The following TMCO5A variants were observed in gnomAD, a reference collection of about 807,000 sequenced individuals.
TMCO5A encodes the protein transmembrane and coiled-coil domain-containing protein 5A.
In TMCO5A, 34 loss-of-function variants were observed where a neutral mutation model predicts 42.3. That is an observed-to-expected ratio of 0.80 (90% CI 0.61 to 1.07). TMCO5A has a LOEUF of 1.07. Among genes scored for constraint, TMCO5A ranks in the 50% least tolerant of loss-of-function variants. The pLI is 0.00. For synonymous variants in TMCO5A, 131 were observed against 115.6 expected, an observed-to-expected ratio of 1.13 and a Z score of -0.86; for missense variants, 357 against 327.9, an observed-to-expected ratio of 1.09 and a Z score of -0.69.
chr15:38,040,777 A>G, the TMCO5A span: 1 of 152,192 alleles, frequency 6.6e-6, no homozygotes, highest in Non-Finnish European at 1.5e-5. Context: ...TAGAACAGGG[A>G]TTGCCAAGGG....
chr15:37,971,126 C>T (rs149782906), downstream of TMCO5A, among the ~76,000 whole-genome samples: 2,453 of 152,304 alleles, frequency 0.016, 73 homozygotes, highest in African/African-American at 0.055. Flanking sequence ...ATGAGGACCC[C>T]GCCCCTGTAG....
the TMCO5A span, among the ~76,000 whole-genome samples, chr15:37,984,501 C>G: frequency 6.6e-6 from 1 of 152,098 alleles, no homozygotes; most frequent in Non-Finnish European, 1.5e-5. Context: ...ATCTGCCACA[C>G]ATAGTTGTAG....
downstream of TMCO5A, among the ~76,000 whole-genome samples, chr15:37,970,499 A>G (rs1427236438): frequency 6.6e-6 from 1 of 152,162 alleles, no homozygotes; most frequent in Non-Finnish European, 1.5e-5. Context: ...GGCCCGTCCC[A>G]AATCTTATTT....
chr15:37,982,304 A>T, the TMCO5A span, among the ~76,000 whole-genome samples: 2,092 of 151,812 alleles, frequency 0.014, 39 homozygotes, highest in African/African-American at 0.048. Context: ...CTGTCCTTAC[A>T]CCTATGCGCA....
the TMCO5A span, among the ~76,000 whole-genome samples, chr15:37,976,577 C>T: frequency 6.6e-6 from 1 of 152,110 alleles, no homozygotes; most frequent in African/African-American, 2.4e-5. Context: ...TTCATAATCC[C>T]ATGTATCTCA....
At chr15:38,035,218 G>C in the TMCO5A span, among the ~76,000 whole-genome samples, 1 of 152,198 alleles carries the variant, frequency 6.6e-6, no homozygotes, top group Non-Finnish European at 1.5e-5. Context: ...ACATATGCAA[G>C]TACATGGGAG....
At chr15:37,952,683 A>G (rs1196838557), downstream of TMCO5A, among the ~76,000 whole-genome samples, 1 of 152,178 alleles carries the variant, frequency 6.6e-6, no homozygotes, top group Non-Finnish European at 1.5e-5. Flanking sequence ...CTACTTGAGA[A>G]AAACAGAGGA....
At chr15:37,982,739 TATATATAAATATATA>T in the TMCO5A span, among the ~76,000 whole-genome samples, 1 of 144,038 alleles carries the variant, frequency 6.9e-6, no homozygotes, top group Admixed American at 7.1e-5. Context: ...AATATATAAA[TATATATAAATATATA>T]ATATATAAAT....
chr15:38,039,283 T>A, the TMCO5A span, among the ~76,000 whole-genome samples: 2 of 152,194 alleles, frequency 1.3e-5, no homozygotes, highest in Non-Finnish European at 2.9e-5. Flanking sequence ...GTTTTGCTAT[T>A]ATTTGGCTAA....
the TMCO5A span, chr15:37,984,900 G>A: frequency 6.6e-6 from 1 of 151,750 alleles, no homozygotes; most frequent in Non-Finnish European, 1.5e-5. Flanking sequence ...AGGAGAAATG[G>A]ACTAAACTAC....
At chr15:37,941,457 A>G (rs900214658) in intron 7 of TMCO5A, among the ~76,000 whole-genome samples, 2 of 152,074 alleles carry the variant, frequency 1.3e-5, no homozygotes, top group Non-Finnish European at 2.9e-5. Flanking sequence ...TCCTCTCCCA[A>G]CTGCCCCCAA....
intron 11 of TMCO5A, 144 bp from the exon 12 acceptor site, chr15:37,950,892 G>A (rs1334951692): frequency 3.0e-6 from 2 of 663,452 alleles, no homozygotes; most frequent in Non-Finnish European, 5.2e-6. Flanking sequence ...AGGGGGAGCT[G>A]CCATTATAAA....
the TMCO5A span, among the ~76,000 whole-genome samples, chr15:37,995,260 C>T: frequency 1.3e-5 from 2 of 152,162 alleles, no homozygotes; most frequent in South Asian, 4.1e-4. Flanking sequence ...CTGTCTTTGC[C>T]ACCCACTCCC....
chr15:38,018,213 G>T, the TMCO5A span, among the ~76,000 whole-genome samples: 1 of 152,118 alleles, frequency 6.6e-6, no homozygotes, highest in Admixed American at 6.6e-5. Flanking sequence ...GCCTTTACTG[G>T]TAAACAGTAA....
At chr15:37,981,200 C>CAAAAAAAAAAAA in the TMCO5A span, among the ~76,000 whole-genome samples, 10 of 65,322 alleles carry the variant, frequency 1.5e-4, no homozygotes, top group African/African-American at 5.6e-4. Flanking sequence ...AGAAAGCCAG[C>CAAAAAAAAAAAA]AAAAAAAAAA....
chr15:38,032,239 G>C, the TMCO5A span, among the ~76,000 whole-genome samples: 1 of 152,290 alleles, frequency 6.6e-6, no homozygotes, highest in African/African-American at 2.4e-5. Flanking sequence ...ACAGGCATGA[G>C]CCACCGCTCC....
the TMCO5A span, among the ~76,000 whole-genome samples, chr15:37,994,208 A>G: frequency 6.6e-6 from 1 of 152,220 alleles, no homozygotes; most frequent in Non-Finnish European, 1.5e-5. Flanking sequence ...GTCTACAGTG[A>G]AAGCCTAGTG....
At chr15:38,010,330 G>T in the TMCO5A span, among the ~76,000 whole-genome samples, 9 of 142,702 alleles carry the variant, frequency 6.3e-5, no homozygotes, top group Admixed American at 6.7e-4. Flanking sequence ...AGCTGAGATC[G>T]CGCCACTGCA....
At chr15:38,019,580 C>G in the TMCO5A span, among the ~76,000 whole-genome samples, 2 of 152,130 alleles carry the variant, frequency 1.3e-5, no homozygotes, top group Admixed American at 6.6e-5. Context: ...CTGTCAGCAT[C>G]CCCCACTAGA....
Sources: gnomAD v4.1 joint callset for allele counts (sites outside exome capture counted in the v4.1 genomes callset) on GRCh38, gnomAD v4.1.1 for gene constraint, MANE v1.5 for transcripts, NCBI Gene and HGNC (gene_info 2026-07-23, HGNC 2026-07-21) for gene names.